The following NAT2 variants were observed in gnomAD, a reference collection of about 807,000 sequenced individuals.
NAT2 encodes N-acetyltransferase 2.
For missense variants in NAT2, 428 were observed against 339.1 expected, an observed-to-expected ratio of 1.26 and a Z score of -2.06; for synonymous variants, 137 against 125.9, an observed-to-expected ratio of 1.09 and a Z score of -0.59.
At chr8:18,393,938 A>G (rs1800636699) in intron 1 of NAT2, among the ~76,000 whole-genome samples, 1 of 152,256 alleles carries the variant, frequency 6.6e-6, no homozygotes, top group Non-Finnish European at 1.5e-5. Context: ...TATGAAAGAC[A>G]TAGTTTCATG....
Position 18,400,268 on chromosome 8 carries a change from T to A in NAT2, c.265T>A (p.Leu89Ile). ...CACAATCGGTTTTCAGACCACAATGTTAGGAGGGTATTTTTACATCCCTCC... is the reference window on the plus strand; with the variant it reads ...CACAATCGGTTTTCAGACCACAATGATAGGAGGGTATTTTTACATCCCTCC... ...LTTIGFQTTMLGGYFYIPPVN... is the reference protein window; with the variant it reads ...LTTIGFQTTMIGGYFYIPPVN... Residue 89 changes from leucine (L) to isoleucine (I), a missense_variant, in exon 2 of 2, where the codon TTA (leucine) becomes ATA (isoleucine). Leu to Ile is a conservative substitution (Grantham distance 5, BLOSUM62 2). Transcript: ENST00000286479. The A allele has an allele frequency of 6.2e-7, 1 of 1,613,414 alleles. No homozygotes were observed. The highest frequency in any genetic ancestry group is 8.5e-7 in the Non-Finnish European group (1 of 1,179,632).
chr8:18,395,987 A>T lies in NAT2; in HGVS notation c.-6-4011A>T, dbSNP rs568658496. ...TTTTTTTGCAGTTTTCTCAAAAGGT[A>T]AGCAAAAATCTTTCACTATCTCTTA... is the stretch of plus-strand genomic sequence containing the variant. On this transcript the variant is annotated intron_variant, in intron 1 of 1. Transcript: ENST00000286479. Among the ~76,000 whole-genome samples the T allele has an allele frequency of 2.7e-5, 4 of 146,438 alleles. No individual in the cohort carries two copies. The East Asian group carries it at 8.0e-4, about 29-fold the overall frequency.
upstream of NAT2, chr8:18,387,156 C>G (rs549429161): frequency 6.5e-6 from 1 of 152,706 alleles, no homozygotes; most frequent in East Asian, 1.9e-4. Context: ...CCTTGCGGGC[C>G]CAGTGCAGGG....
Position 18,400,332 on chromosome 8 carries a change from T to C in NAT2, c.329T>C (p.Leu110Pro). 1 of 1,613,670 alleles carries C rather than the reference T, an allele frequency of 6.2e-7. No homozygotes were observed. Among genetic ancestry groups the C allele is most frequent in the Non-Finnish European group, 8.5e-7 (1 of 1,179,804 alleles). The stretch of plus-strand genomic sequence containing the variant: ...AGCACTGGCATGGTTCACCTTCTCC[T>C]GCAGGTGACCATTGACGGCAGGAAT... ...KYSTGMVHLLLQVTIDGRNYI... is the reference protein window; with the variant it reads ...KYSTGMVHLLPQVTIDGRNYI... Residue 110 changes from leucine (L) to proline (P), a missense_variant, in exon 2 of 2, where the codon CTG becomes CCG. Physicochemically the swap from Leu to Pro is moderately conservative, Grantham distance 98 (BLOSUM62 -3). Coordinates refer to ENST00000286479, the MANE Select transcript of NAT2 (RefSeq NM_000015.3).
At chr8:18,389,931 G>A (rs1031169753), upstream of NAT2, among the ~76,000 whole-genome samples, 2 of 152,174 alleles carry the variant, frequency 1.3e-5, no homozygotes, top group Non-Finnish European at 2.9e-5. Flanking sequence ...AATCACCAGT[G>A]CGGGAGTATA....
upstream of NAT2, among the ~76,000 whole-genome samples, chr8:18,388,151 G>T (rs1800534637): frequency 6.6e-6 from 1 of 152,224 alleles, no homozygotes; most frequent in Non-Finnish European, 1.5e-5. Context: ...AAGACCTTCT[G>T]AGACTGAGCA....
At chr8:18,394,304 T>G (rs1326024093) in intron 1 of NAT2, among the ~76,000 whole-genome samples, 1 of 152,180 alleles carries the variant, frequency 6.6e-6, no homozygotes, top group African/African-American at 2.4e-5. Context: ...GATGTGTACA[T>G]GCAGGTCACG....
At chr8:18,399,941 C>T (rs149847506) in intron 1 of NAT2, 57 bp from the exon 2 acceptor site, 237 of 1,495,864 alleles carry the variant, frequency 1.6e-4, no homozygotes, top group Middle Eastern at 8.7e-4. Flanking sequence ...ATTAGTCACA[C>T]GAGGAAATCA....
chr8:18,399,097 C>T (rs989158950), intron 1 of NAT2, among the ~76,000 whole-genome samples: 5 of 152,222 alleles, frequency 3.3e-5, no homozygotes, highest in Non-Finnish European at 7.3e-5. Flanking sequence ...CATTCCCCTT[C>T]TCACTGACTG....
chr8:18,395,698 G>A (rs1021703559), intron 1 of NAT2, among the ~76,000 whole-genome samples: 2 of 152,146 alleles, frequency 1.3e-5, no homozygotes, highest in African/African-American at 4.8e-5. Flanking sequence ...TATATTAAAA[G>A]CCAAGGTAAT....
In NAT2 at chr8:18,391,346, G is replaced by C. The variant is rs1009434050; in HGVS notation, c.-7+1G>C. ...GCCTAGTTCCTGGTTGCTGGCCAAAGTAAGTAGAACTTTGTAAGTAATTTG... is the reference window on the plus strand; with the variant it reads ...GCCTAGTTCCTGGTTGCTGGCCAAACTAAGTAGAACTTTGTAAGTAATTTG... On this transcript the variant is annotated splice_donor_variant, in intron 1 of 1. Coordinates refer to ENST00000286479, the MANE Select transcript of NAT2 (RefSeq NM_000015.3). LOFTEE classifies it low-confidence loss of function (5UTR_SPLICE). 6.6e-6 allele frequency: 1 copy of C among 152,122 alleles called. No individual in the cohort carries two copies. The highest frequency in any genetic ancestry group is 1.5e-5 in the Non-Finnish European group (1 of 68,036). 9.4% of individuals were successfully genotyped at this position (152,122 alleles called of 1,614,324 possible).
chr8:18,397,296 G>T (rs188029828), intron 1 of NAT2, among the ~76,000 whole-genome samples: 10 of 152,018 alleles, frequency 6.6e-5, no homozygotes, highest in Admixed American at 6.5e-4. Context: ...CTAATTCAAA[G>T]GTTATTTATG....
At chr8:18,387,907 C>T (rs1800531496), upstream of NAT2, 1 of 152,728 alleles carries the variant, frequency 6.5e-6, no homozygotes, top group African/African-American at 2.4e-5. Context: ...TCCCCCCTCC[C>T]CTCCACTTAG....
intron 1 of NAT2, among the ~76,000 whole-genome samples, chr8:18,394,349 A>T (rs1800646494): frequency 6.6e-6 from 1 of 152,242 alleles, no homozygotes; most frequent in Non-Finnish European, 1.5e-5. Flanking sequence ...CAGAGGCCTG[A>T]CACACAGTAG....
At chr8:18,387,713 A>G (rs554918904), upstream of NAT2, 131 of 155,882 alleles carry the variant, frequency 8.4e-4, no homozygotes, top group Non-Finnish European at 1.5e-3. Context: ...TTTTCTCCAA[A>G]GCGCTTGGCC....
intron 1 of NAT2, among the ~76,000 whole-genome samples, chr8:18,391,843 C>T (rs1273724544): frequency 1.3e-5 from 2 of 152,204 alleles, no homozygotes; most frequent in East Asian, 1.9e-4. Flanking sequence ...AGATATTTAC[C>T]ATCTGTTTTC....
chr8:18,400,705 G>C lies in NAT2; in HGVS notation c.702G>C (p.Leu234Phe). ...SLQTPEGVYC[L>F]VGFILTYRKF... Reference sequence around the variant, plus strand: ...AGACCCCAGAAGGGGTTTACTGTTTGGTGGGCTTCATCCTCACCTATAGAA... The same window carrying C: ...AGACCCCAGAAGGGGTTTACTGTTTCGTGGGCTTCATCCTCACCTATAGAA... The change falls in exon 2 of 2, where the codon TTG becomes TTC. Residue 234 changes from leucine to phenylalanine, a missense_variant. Transcript: ENST00000286479. The C allele has an allele frequency of 1.2e-6, 2 of 1,613,778 alleles. No individual in the cohort carries two copies. The highest frequency in any genetic ancestry group is 4.5e-5 in the East Asian group (2 of 44,866).
At chr8:18,388,729 C>A (rs1430238386), upstream of NAT2, among the ~76,000 whole-genome samples, 1 of 152,244 alleles carries the variant, frequency 6.6e-6, no homozygotes, top group South Asian at 2.1e-4. Context: ...TTTAAAGACA[C>A]AAACAACATG....
chr8:18,394,268 T>A (rs911843585), intron 1 of NAT2, among the ~76,000 whole-genome samples: 20 of 152,084 alleles, frequency 1.3e-4, no homozygotes, highest in African/African-American at 4.8e-4. Context: ...TGGAATGTCA[T>A]CAGTAAGGCA....
Sources: allele counts gnomAD v4.1 joint callset (sites outside exome capture counted in the v4.1 genomes callset), GRCh38; gene constraint gnomAD v4.1.1; transcripts MANE v1.5; gene names NCBI Gene and HGNC (gene_info 2026-07-23, HGNC 2026-07-21).